UCN2: variants seen among roughly 807,000 people sequenced by gnomAD.
UCN2 encodes the protein urocortin 2, also known as urocortin-2.
In UCN2, 3 loss-of-function variants were observed where a neutral mutation model predicts 1.6. That is an observed-to-expected ratio of 1.88 (90% CI 0.85 to 4.85). UCN2 has a LOEUF of 4.85. Ranked by LOEUF, UCN2 falls within the 30% of genes most tolerant of loss-of-function variation. The pLI is 0.02. For synonymous variants in UCN2, 64 were observed against 66.0 expected, an observed-to-expected ratio of 0.97 and a Z score of 0.15; for missense variants, 127 against 150.8, an observed-to-expected ratio of 0.84 and a Z score of 0.83.
Position 48,563,187 on chromosome 3 carries a change from A to T in UCN2, c.-12-51T>A, listed in dbSNP as rs1174491558. On this transcript the variant is annotated intron_variant, in intron 1 of 1. Coordinates refer to ENST00000273610, the MANE Select transcript of UCN2 (RefSeq NM_033199.4). This position sits in a 1 kb window ranked among gnomAD's most constrained non-coding sequence, Gnocchi z 4.5. ...CAGGGGCTCTGGTCAACTGGGGTCC[A>T]TGGACAGAGACAGATGGCAAGGGCA... is the stretch of plus-strand genomic sequence containing the variant. 2 of 1,489,318 alleles carry T rather than the reference A, an allele frequency of 1.3e-6. No individual in the cohort carries two copies. The highest frequency in any genetic ancestry group is 1.8e-6 in the Non-Finnish European group (2 of 1,092,142). The allele number at this position is 1,489,318 out of a possible 1,614,324, so 92.3% of individuals were successfully genotyped here.
In UCN2 at chr3:48,562,285, G is replaced by A. The variant is rs1439316241; in HGVS notation, c.*501C>T. Reference sequence around the variant, plus strand: ...TGACCCTCAGCCAGCATTTCTCTGTGTGGTGGCCTATGGGATGACAGACCT... The same window carrying A: ...TGACCCTCAGCCAGCATTTCTCTGTATGGTGGCCTATGGGATGACAGACCT... On this transcript the variant is annotated 3_prime_UTR_variant, in exon 2 of 2. Coordinates refer to ENST00000273610, the MANE Select transcript of UCN2 (RefSeq NM_033199.4). This position sits in a 1 kb window ranked among gnomAD's most constrained non-coding sequence, Gnocchi z 4.3. The A allele has an allele frequency of 3.2e-5, 5 of 157,294 alleles. No individual in the cohort carries two copies. Among genetic ancestry groups the A allele is most frequent in the African/African-American group, 1.2e-4 (5 of 41,694 alleles). 9.7% of individuals were successfully genotyped at this position (157,294 alleles called of 1,614,324 possible).
rs764548408 is a variant in UCN2, at chr3:48,562,861, C to T, written c.264G>A (p.Glu88=). Reference sequence around the variant, plus strand: ...CCCTGGCAGCCCTGGCCCGGGCTTGCTCCAGTAAGATCTGCAAGAGGCCGA... The same window carrying T: ...CCCTGGCAGCCCTGGCCCGGGCTTGTTCCAGTAAGATCTGCAAGAGGCCGA... ...VPIGLLQILL[E]QARARAAREQ... is the part of the protein sequence containing the mutation. Residue 88 remains glutamate (E), a synonymous_variant, in exon 2 of 2, where the codon GAG becomes GAA. Transcript: ENST00000273610. This position sits in a 1 kb window ranked among gnomAD's most constrained non-coding sequence, Gnocchi z 4.3. 1.9e-6 allele frequency: 3 copies of T among 1,593,940 alleles called. No homozygotes were observed. The highest frequency in any genetic ancestry group is 2.7e-5 in the African/African-American group (2 of 74,684).
At position 48,563,575 on chromosome 3, in the gene UCN2, T is replaced by C. The variant is rs2043472104; in HGVS notation, c.-13+128A>G. 6.0e-6 allele frequency: 1 copy of C among 167,214 alleles called. No individual in the cohort carries two copies. Among genetic ancestry groups the C allele is most frequent in the African/African-American group, 2.4e-5 (1 of 41,516 alleles). The allele number at this position is 167,214 out of a possible 1,614,324, so 10.4% of individuals were successfully genotyped here. Reference sequence around the variant, plus strand: ...GATCCAGGAAACAGAAGGGCAGGAATCGGATCTCAGAGGCAGAAAAGCAGC... The same window carrying C: ...GATCCAGGAAACAGAAGGGCAGGAACCGGATCTCAGAGGCAGAAAAGCAGC... On this transcript the variant is annotated intron_variant, in intron 1 of 1. Coordinates refer to ENST00000273610, the MANE Select transcript of UCN2 (RefSeq NM_033199.4). The surrounding 1 kb of genome is among the most constrained non-coding windows in gnomAD (Gnocchi z 4.5).
chr3:48,562,553 C>T lies in UCN2; in HGVS notation c.*233G>A. 1.8e-6 allele frequency: 1 copy of T among 554,342 alleles called. No homozygotes were observed. Among genetic ancestry groups the T allele is most frequent in the Admixed American group, 3.6e-5 (1 of 27,916 alleles). 34.3% of individuals were successfully genotyped at this position (554,342 alleles called of 1,614,324 possible). ...TCCATGTGGCAGTGACCCAACTTAG[C>T]AATGTCCAATGTCCAGGCTGTCCAG... On this transcript the variant is annotated 3_prime_UTR_variant, in exon 2 of 2. Coordinates refer to ENST00000273610, the MANE Select transcript of UCN2 (RefSeq NM_033199.4). This position sits in a 1 kb window ranked among gnomAD's most constrained non-coding sequence, Gnocchi z 4.3.
In UCN2 at chr3:48,562,413, G is replaced by T. The variant is rs2043446210; in HGVS notation, c.*373C>A. 7.6e-6 allele frequency: 2 copies of T among 261,768 alleles called. No individual in the cohort carries two copies. Among genetic ancestry groups the T allele is most frequent in the Non-Finnish European group, 1.5e-5 (2 of 136,706 alleles). The allele number at this position is 261,768 out of a possible 1,614,324, so 16.2% of individuals were successfully genotyped here. ...GCATGTGGCGGTGTCCAGGTGTTCT[G>T]TGACTATGGGGCACCCAGACATAGC... On this transcript the variant is annotated 3_prime_UTR_variant, in exon 2 of 2. Coordinates refer to ENST00000273610, the MANE Select transcript of UCN2 (RefSeq NM_033199.4). This position sits in a 1 kb window ranked among gnomAD's most constrained non-coding sequence, Gnocchi z 4.3.
Position 48,563,190 on chromosome 3 carries a change from G to A in UCN2, c.-12-54C>T, listed in dbSNP as rs745821762. On this transcript the variant is annotated intron_variant, in intron 1 of 1. Transcript: ENST00000273610. This position sits in a 1 kb window ranked among gnomAD's most constrained non-coding sequence, Gnocchi z 4.5. ...GGGCTCTGGTCAACTGGGGTCCATG[G>A]ACAGAGACAGATGGCAAGGGCAGAG... 84 of 1,456,170 alleles carry A rather than the reference G, an allele frequency of 5.8e-5. No homozygotes were observed. Among genetic ancestry groups the A allele is most frequent in the Non-Finnish European group, 7.4e-5 (79 of 1,065,636 alleles). 90.2% of individuals were successfully genotyped at this position (1,456,170 alleles called of 1,614,324 possible).
Position 48,563,089 on chromosome 3 carries a change from C to T in UCN2, c.36G>A (p.Leu12=), listed in dbSNP as rs757089177. 1 of 1,611,612 alleles carries T rather than the reference C, an allele frequency of 6.2e-7. No homozygotes were observed. The highest frequency in any genetic ancestry group is 8.5e-7 in the Non-Finnish European group (1 of 1,179,434). ...GGACAACCAGGACTCTGCCCAACATCAGGACCATCAGCAACAGCAGAGCAC... is the reference window on the plus strand; with the variant it reads ...GGACAACCAGGACTCTGCCCAACATTAGGACCATCAGCAACAGCAGAGCAC... The part of the protein sequence containing the change: ...TRCALLLLMV[L]MLGRVLVVPV... Residue 12 remains leucine (L), a synonymous_variant, in exon 2 of 2, where the codon CTG becomes CTA. Transcript: ENST00000273610. This position sits in a 1 kb window ranked among gnomAD's most constrained non-coding sequence, Gnocchi z 4.5.
rs2043456854 is a variant in UCN2 at position 48,562,865 on chromosome 3, A to C, written c.260T>G (p.Leu87Arg). 6.3e-7 allele frequency: 1 copy of C among 1,595,910 alleles called. No homozygotes were observed. The highest frequency in any genetic ancestry group is 1.1e-5 in the South Asian group (1 of 88,250). ...GGCAGCCCTGGCCCGGGCTTGCTCC[A>C]GTAAGATCTGCAAGAGGCCGATGGG... Reference protein sequence around the residue: ...DVPIGLLQILLEQARARAARE... With the variant: ...DVPIGLLQILREQARARAARE... Residue 87 changes from leucine to arginine, a missense_variant, in exon 2 of 2, where the codon CTG becomes CGG. This residue lies in a region of UCN2 where 122 missense variants were observed against 131.5 expected (regional missense o/e 0.93). Coordinates refer to ENST00000273610, the MANE Select transcript of UCN2 (RefSeq NM_033199.4). The surrounding 1 kb of genome is among the most constrained non-coding windows in gnomAD (Gnocchi z 4.3).
chr3:48,563,757 G>A lies in UCN2; in HGVS notation c.-67C>T, dbSNP rs943568110. The A allele has an allele frequency of 6.1e-6, 1 of 164,066 alleles. No individual in the cohort carries two copies. Among genetic ancestry groups the A allele is most frequent in the Non-Finnish European group, 1.3e-5 (1 of 74,868 alleles). The allele number at this position is 164,066 out of a possible 1,614,324, so 10.2% of individuals were successfully genotyped here. ...CCTGCTGTGGCTGCCTGGGGCTGGGGCCAGGCACTACTGTCCTGTGGTCTG... is the reference window on the plus strand; with the variant it reads ...CCTGCTGTGGCTGCCTGGGGCTGGGACCAGGCACTACTGTCCTGTGGTCTG... On this transcript the variant is annotated 5_prime_UTR_variant, in exon 1 of 2. Coordinates refer to ENST00000273610, the MANE Select transcript of UCN2 (RefSeq NM_033199.4). This position sits in a 1 kb window ranked among gnomAD's most constrained non-coding sequence, Gnocchi z 4.5.
At position 48,562,994 on chromosome 3, in the gene UCN2, G is replaced by C. The variant is rs1316930980; in HGVS notation, c.131C>G (p.Ala44Gly). 2.5e-6 allele frequency: 4 copies of C among 1,609,022 alleles called. No homozygotes were observed. The highest frequency in any genetic ancestry group is 3.4e-6 in the Non-Finnish European group (4 of 1,178,326). ...GGGAGCAGCTGAGGGGCTCTCTGAGGCCGCAGGTCGGGGAGTGGTCTGGGG... is the reference window on the plus strand; with the variant it reads ...GGGAGCAGCTGAGGGGCTCTCTGAGCCCGCAGGTCGGGGAGTGGTCTGGGG... Reference protein sequence around the residue: ...NSPQTTPRPAASESPSAAPTW... With the variant: ...NSPQTTPRPAGSESPSAAPTW... The change falls in exon 2 of 2, where the codon GCC becomes GGC. Residue 44 changes from alanine to glycine, a missense_variant. Ala to Gly is a moderately conservative substitution (Grantham distance 60). Around this residue, in one of 2 missense-constraint regions of UCN2, gnomAD observed 122 missense variants for 131.5 expected, o/e 0.93. Transcript: ENST00000273610. This position sits in a 1 kb window ranked among gnomAD's most constrained non-coding sequence, Gnocchi z 4.3.
In UCN2 at chr3:48,563,050, G is replaced by A; in HGVS notation, c.75C>T (p.Ile25=). 2 of 1,612,250 alleles carry A rather than the reference G, an allele frequency of 1.2e-6. No homozygotes were observed. The highest frequency in any genetic ancestry group is 1.7e-6 in the Non-Finnish European group (2 of 1,179,622). ...GRVLVVPVTP[I]PTFQLRPQNS... ...TCTGAGGGCGGAGCTGGAAGGTTGGGATAGGGGTCACTGGGACAACCAGGA... is the reference window on the plus strand; with the variant it reads ...TCTGAGGGCGGAGCTGGAAGGTTGGAATAGGGGTCACTGGGACAACCAGGA... The change falls in exon 2 of 2, where the codon ATC becomes ATT. Residue 25 remains isoleucine, a synonymous_variant. Coordinates refer to ENST00000273610, the MANE Select transcript of UCN2 (RefSeq NM_033199.4). The surrounding 1 kb of genome is among the most constrained non-coding windows in gnomAD (Gnocchi z 4.5).
chr3:48,562,869 A>G lies in UCN2; in HGVS notation c.256T>C (p.Leu86=), dbSNP rs2043456945. 1 of 1,597,526 alleles carries G rather than the reference A, an allele frequency of 6.3e-7. No individual in the cohort carries two copies. Among genetic ancestry groups the G allele is most frequent in the South Asian group, 1.1e-5 (1 of 88,360 alleles). Residue 86 remains leucine, a synonymous_variant, in exon 2 of 2, where the codon TTA becomes CTA. Coordinates refer to ENST00000273610, the MANE Select transcript of UCN2 (RefSeq NM_033199.4). This position sits in a 1 kb window ranked among gnomAD's most constrained non-coding sequence, Gnocchi z 4.3. ...GCCCTGGCCCGGGCTTGCTCCAGTA[A>G]GATCTGCAAGAGGCCGATGGGGACA... ...LDVPIGLLQI[L]LEQARARAAR...
Position 48,562,762 on chromosome 3 carries a change from T to C in UCN2, c.*24A>G, listed in dbSNP as rs1251845787. On this transcript the variant is annotated 3_prime_UTR_variant, in exon 2 of 2. Transcript: ENST00000273610. This position sits in a 1 kb window ranked among gnomAD's most constrained non-coding sequence, Gnocchi z 4.3. ...GGTCTTCCCATCCAGGGTGGCCCTA[T>C]CACTGTGACCCCCTCTCTCAGGCTC... 9.2e-6 allele frequency: 14 copies of C among 1,522,600 alleles called. No individual in the cohort carries two copies. The highest frequency in any genetic ancestry group is 1.1e-5 in the Non-Finnish European group (13 of 1,137,898). 94.3% of individuals were successfully genotyped at this position (1,522,600 alleles called of 1,614,324 possible).
chr3:48,562,219 T>C lies in UCN2; in HGVS notation c.*567A>G, dbSNP rs1402944255. On this transcript the variant is annotated 3_prime_UTR_variant, in exon 2 of 2. Transcript: ENST00000273610. This position sits in a 1 kb window ranked among gnomAD's most constrained non-coding sequence, Gnocchi z 4.3. ...GAGACACCCCTCACAGCCCCGTCCA[T>C]CTGGGGCAGGTGCTGCCTCATGGGG... The C allele has an allele frequency of 6.5e-6, 1 of 153,738 alleles. No individual in the cohort carries two copies. Among genetic ancestry groups the C allele is most frequent in the Non-Finnish European group, 1.4e-5 (1 of 69,072 alleles). The allele number at this position is 153,738 out of a possible 1,614,324, so 9.5% of individuals were successfully genotyped here.
At position 48,562,913 on chromosome 3, in the gene UCN2, C is replaced by T. The variant is rs370633415; in HGVS notation, c.212G>A (p.Arg71His). 1.8e-5 allele frequency: 29 copies of T among 1,603,758 alleles called. No homozygotes were observed. The highest frequency in any genetic ancestry group is 1.7e-4 in the Middle Eastern group (1 of 6,060). ...HCSPTRHPGS[R>H]IVLSLDVPIG... ...GGGGACATCCAGCGATAGGACAATGCGCGAGCCAGGGTGGCGGGTGGGGCT... is the reference window on the plus strand; with the variant it reads ...GGGGACATCCAGCGATAGGACAATGTGCGAGCCAGGGTGGCGGGTGGGGCT... Residue 71 changes from arginine (R) to histidine (H), a missense_variant, in exon 2 of 2, where the codon CGC becomes CAC. Arg to His is a conservative substitution (Grantham distance 29). Coordinates refer to ENST00000273610, the MANE Select transcript of UCN2 (RefSeq NM_033199.4). The surrounding 1 kb of genome is among the most constrained non-coding windows in gnomAD (Gnocchi z 4.3).
chr3:48,563,649 C>CCA lies in UCN2; in HGVS notation c.-13+52_-13+53dup, dbSNP rs2043474196. On this transcript the variant is annotated intron_variant, in intron 1 of 1. Transcript: ENST00000273610. This position sits in a 1 kb window ranked among gnomAD's most constrained non-coding sequence, Gnocchi z 4.5. Reference sequence around the variant, plus strand: ...TCCAAGCCCTCCATAAAGCCAAACCCCACATCCACTCAACCTCCAAGACCC... The same window carrying CCA: ...TCCAAGCCCTCCATAAAGCCAAACCCCACACATCCACTCAACCTCCAAGACCC... The CCA allele has an allele frequency of 6.1e-6, 1 of 164,116 alleles. No homozygotes were observed. Among genetic ancestry groups the CCA allele is most frequent in the Non-Finnish European group, 1.3e-5 (1 of 74,702 alleles). 10.2% of individuals were successfully genotyped at this position (164,116 alleles called of 1,614,324 possible).
In UCN2 at chr3:48,562,129, C is replaced by T. The variant is rs1166221891; in HGVS notation, c.*657G>A. ...TGTCAGAGACTCAGCCACACACGCACATATGCGCCCATAAGACAAGGCTGC... is the reference window on the plus strand; with the variant it reads ...TGTCAGAGACTCAGCCACACACGCATATATGCGCCCATAAGACAAGGCTGC... On this transcript the variant is annotated 3_prime_UTR_variant, in exon 2 of 2. Coordinates refer to ENST00000273610, the MANE Select transcript of UCN2 (RefSeq NM_033199.4). This position sits in a 1 kb window ranked among gnomAD's most constrained non-coding sequence, Gnocchi z 4.3. 1 of 152,836 alleles carries T rather than the reference C, an allele frequency of 6.5e-6. No individual in the cohort carries two copies. Among genetic ancestry groups the T allele is most frequent in the East Asian group, 1.9e-4 (1 of 5,198 alleles). 9.5% of individuals were successfully genotyped at this position (152,836 alleles called of 1,614,324 possible).
Position 48,562,798 on chromosome 3 carries a change from G to C in UCN2, c.327C>G (p.Val109=). Residue 109 remains valine (V), a synonymous_variant, in exon 2 of 2, where the codon GTC becomes GTG. Transcript: ENST00000273610. This position sits in a 1 kb window ranked among gnomAD's most constrained non-coding sequence, Gnocchi z 4.3. ...ATTNARILAR[V]GHC ...CCCTCTCTCAGGCTCAGCAGTGGCCGACACGGGCCAGGATGCGGGCGTTGG... is the reference window on the plus strand; with the variant it reads ...CCCTCTCTCAGGCTCAGCAGTGGCCCACACGGGCCAGGATGCGGGCGTTGG... 1 of 1,552,848 alleles carries C rather than the reference G, an allele frequency of 6.4e-7. No individual in the cohort carries two copies. Among genetic ancestry groups the C allele is most frequent in the Non-Finnish European group, 8.7e-7 (1 of 1,150,320 alleles).
In UCN2 at chr3:48,562,931, G is replaced by A. The variant is rs750871049; in HGVS notation, c.194C>T (p.Thr65Ile). 168 of 1,605,170 alleles carry A rather than the reference G, an allele frequency of 1.0e-4. No individual in the cohort carries two copies. Among genetic ancestry groups the A allele is most frequent in the Non-Finnish European group, 1.4e-4 (160 of 1,175,616 alleles). The change falls in exon 2 of 2, where the codon ACC becomes ATC. Residue 65 changes from threonine (T) to isoleucine (I), a missense_variant. By Grantham distance (89) the Thr-to-Ile change is moderately conservative. Transcript: ENST00000273610. The surrounding 1 kb of genome is among the most constrained non-coding windows in gnomAD (Gnocchi z 4.3). ...GACAATGCGCGAGCCAGGGTGGCGG[G>A]TGGGGCTGCAGTGGCTCTGGGCAGC... ...PWAAQSHCSP[T>I]RHPGSRIVLS...
Sources: allele counts gnomAD v4.1 joint callset, GRCh38; gene constraint gnomAD v4.1.1; regional missense constraint gnomAD v4.1.1; non-coding constraint Gnocchi (gnomAD v3.1); transcripts MANE v1.5; gene names NCBI Gene and HGNC (gene_info 2026-07-23, HGNC 2026-07-21).